Variants in UROS observed in about 807,000 individuals in gnomAD.
UROS encodes the protein uroporphyrinogen-III synthase.
Under a neutral mutation model 33.0 loss-of-function variants are expected in UROS, and 18 were observed. The ratio of observed to expected loss-of-function variants is 0.55; its 90% CI spans 0.38 to 0.81. The LOEUF (loss-of-function observed/expected upper bound fraction) is 0.81, where lower values mean the gene tolerates loss of function less well. Ranked by LOEUF, UROS falls within the 30% of genes least tolerant of loss-of-function variation. The pLI is 0.00. For missense variants in UROS, 293 were observed against 314.9 expected (o/e 0.93, Z 0.53); for synonymous variants, 114 against 121.1 (o/e 0.94, Z 0.38).
At position 125,794,904 on chromosome 10, in the gene UROS, A is replaced by G; in HGVS notation, c.636T>C (p.Ser212=). 1 of 1,614,158 alleles carries G rather than the reference A, an allele frequency of 6.2e-7. No homozygotes were observed. The highest frequency in any genetic ancestry group is 8.5e-7 in the Non-Finnish European group (1 of 1,179,968). Residue 212 remains serine, a synonymous_variant, in exon 9 of 10, where the codon TCT becomes TCC. Coordinates refer to ENST00000368797, the MANE Select transcript of UROS (RefSeq NM_000375.3). ...TYSLKHIQEL[S]GDNIDQIKFA... ...CCTTAATTTGATCGATATTGTCACC[A>G]GATAACTCCTGAATGTGCTTGAGAC... is the stretch of plus-strand genomic sequence containing the variant.
chr10:125,801,228 G>A (rs1364439400), intron 6 of UROS, among the ~76,000 whole-genome samples: 3 of 152,170 alleles, frequency 2.0e-5, no homozygotes, highest in Non-Finnish European at 4.4e-5. Context: ...TCCCAATCCA[G>A]GAGGACATTT....
chr10:125,802,452 C>T lies in UROS; in HGVS notation c.395-4307G>A, dbSNP rs115829906. ...CTGGAACATTCCACAGAAAGCAACA[C>T]GTTGGCCATCAGGCCTTTTCCTTTC... On this transcript the variant is annotated intron_variant, in intron 6 of 9. Coordinates refer to ENST00000368797, the MANE Select transcript of UROS (RefSeq NM_000375.3). 1,036 of 986,770 alleles carry T rather than the reference C, an allele frequency of 1.0e-3. 4 individuals carry two copies. The African/African-American group carries it at 0.016, about 15-fold the overall frequency. 61.1% of individuals were successfully genotyped at this position (986,770 alleles called of 1,614,324 possible).
intron 6 of UROS, among the ~76,000 whole-genome samples, chr10:125,801,581 T>C (rs1205253069): frequency 6.6e-6 from 1 of 152,254 alleles, no homozygotes; most frequent in Non-Finnish European, 1.5e-5. Context: ...AATGCCTTGG[T>C]AAAGCCAAGG....
chr10:125,801,204 G>C (rs149812581), intron 6 of UROS, among the ~76,000 whole-genome samples: 1 of 152,306 alleles, frequency 6.6e-6, no homozygotes, highest in East Asian at 1.9e-4. Flanking sequence ...AAGTGTGCCA[G>C]GCTGCAGAGA....
intron 6 of UROS, among the ~76,000 whole-genome samples, chr10:125,803,637 G>C (rs1361631988): frequency 6.6e-6 from 1 of 152,230 alleles, no homozygotes; most frequent in Non-Finnish European, 1.5e-5. Context: ...GGAGCAGGCA[G>C]TGTTGTGTTC....
chr10:125,789,465 TC>T, intron 9 of UROS: 1 of 801,660 alleles, frequency 1.2e-6, no homozygotes, highest in Non-Finnish European at 1.6e-6. Flanking sequence ...GGGATTTAAA[TC>T]CCAGCTCCAC....
chr10:125,808,069 G>A (rs1386143766), intron 5 of UROS, among the ~76,000 whole-genome samples: 1 of 152,218 alleles, frequency 6.6e-6, no homozygotes, highest in Non-Finnish European at 1.5e-5. Flanking sequence ...TTTAGGATGA[G>A]GGGCTATACC....
chr10:125,788,708 C>G lies in UROS; in HGVS notation c.*160G>C, dbSNP rs1045400628. 6 of 1,436,266 alleles carry G rather than the reference C, an allele frequency of 4.2e-6. No individual in the cohort carries two copies. The African/African-American group carries it at 8.6e-5, about 21-fold the overall frequency. 89.0% of individuals were successfully genotyped at this position (1,436,266 alleles called of 1,614,324 possible). On this transcript the variant is annotated 3_prime_UTR_variant, in exon 10 of 10. Transcript: ENST00000368797. ...ACGTGCACGTGGGCCTGAGGCCAGC[C>G]CCAGGTCAGGTCCCGATCCCCGGTC...
intron 6 of UROS, chr10:125,802,148 T>A (rs1278167101): frequency 2.0e-6 from 2 of 985,316 alleles, no homozygotes; most frequent in African/African-American, 3.5e-5. Flanking sequence ...AGAAACAACA[T>A]TAGAAACAAA....
At chr10:125,803,273 G>T (rs1195088293) in intron 6 of UROS, among the ~76,000 whole-genome samples, 2 of 152,242 alleles carry the variant, frequency 1.3e-5, no homozygotes, top group African/African-American at 2.4e-5. Context: ...ACAATTAAAG[G>T]CATGCACAAA....
chr10:125,801,753 T>C (rs1390191464), intron 6 of UROS, among the ~76,000 whole-genome samples: 1 of 152,242 alleles, frequency 6.6e-6, no homozygotes, highest in Non-Finnish European at 1.5e-5. Context: ...GGTCAGAATA[T>C]GTTAATATCT....
intron 6 of UROS, chr10:125,803,105 G>C: frequency 6.3e-7 from 1 of 1,599,328 alleles, no homozygotes; most frequent in Non-Finnish European, 8.5e-7. Context: ...GACAGGAAGA[G>C]CTTTGGAGTC....
chr10:125,797,912 A>G (rs74162860), intron 7 of UROS, among the ~76,000 whole-genome samples, 153 bp downstream of exon 7: 2,309 of 152,320 alleles, frequency 0.015, 73 homozygotes, highest in African/African-American at 0.053. Context: ...CACTCTTCCC[A>G]TGAGCATGGT....
chr10:125,794,929 C>T lies in UROS; in HGVS notation c.611G>A (p.Ser204Asn). ...TFFSPSGLTY[S>N]LKHIQELSGD... ...AGATAACTCCTGAATGTGCTTGAGA[C>T]TGTATGTGAGGCCAGAGGGACTAAA... is the stretch of plus-strand genomic sequence containing the variant. Residue 204 changes from serine to asparagine, a missense_variant, in exon 9 of 10, where the codon AGT becomes AAT. Physicochemically the swap from Ser to Asn is conservative, Grantham distance 46. Transcript: ENST00000368797. The T allele has an allele frequency of 6.2e-7, 1 of 1,614,058 alleles. No homozygotes were observed. Among genetic ancestry groups the T allele is most frequent in the Non-Finnish European group, 8.5e-7 (1 of 1,180,028 alleles).
downstream of UROS, among the ~76,000 whole-genome samples, chr10:125,788,227 TG>T (rs1299616218): frequency 6.6e-6 from 1 of 152,222 alleles, no homozygotes; most frequent in African/African-American, 2.4e-5. Context: ...GAATGAAGTT[TG>T]GGAACAGATT....
At chr10:125,800,094 T>C (rs913049484) in intron 6 of UROS, among the ~76,000 whole-genome samples, 2 of 152,102 alleles carry the variant, frequency 1.3e-5, no homozygotes, top group Non-Finnish European at 2.9e-5. Flanking sequence ...AGTATTATTA[T>C]TACGCAGCTC....
chr10:125,802,846 G>C, intron 6 of UROS: 1 of 1,507,484 alleles, frequency 6.6e-7, no homozygotes, highest in Non-Finnish European at 8.9e-7. Flanking sequence ...TTGAGGTCAG[G>C]AGGTCCCAGC....
At chr10:125,813,803 C>T (rs373492479) in intron 4 of UROS, among the ~76,000 whole-genome samples, 7 of 152,322 alleles carry the variant, frequency 4.6e-5, no homozygotes, top group South Asian at 2.1e-4. Flanking sequence ...TAGGTTCTCA[C>T]GCTTTCTTTT....
chr10:125,806,437 C>G (rs1276155240), intron 6 of UROS, among the ~76,000 whole-genome samples: 1 of 152,168 alleles, frequency 6.6e-6, no homozygotes, highest in Non-Finnish European at 1.5e-5. Flanking sequence ...ACCCTGGCCT[C>G]CCAGCTCAGC....
Sources: gnomAD v4.1 joint callset for allele counts (sites outside exome capture counted in the v4.1 genomes callset) on GRCh38, gnomAD v4.1.1 for gene constraint, MANE v1.5 for transcripts, NCBI Gene and HGNC (gene_info 2026-07-23, HGNC 2026-07-21) for gene names.